The following PBX1 variants were observed in gnomAD, a reference collection of about 807,000 sequenced individuals.
The protein encoded by PBX1 is pre-B-cell leukemia transcription factor 1.
PBX1 carries 6 observed loss-of-function variants against 53.4 expected under a neutral mutation model. That is an observed-to-expected ratio of 0.11 (90% CI 0.06 to 0.22). PBX1 has a LOEUF of 0.22. Ranked by LOEUF, PBX1 falls within the 10% of genes least tolerant of loss-of-function variation. PBX1 has a pLI of 1.00. For synonymous variants in PBX1, 204 were observed against 212.3 expected (o/e 0.96, Z 0.34); for missense variants, 251 against 551.4 (o/e 0.46, Z 5.46).
At chr1:164,720,077 G>T (rs2102102293) in intron 2 of PBX1, among the ~76,000 whole-genome samples, 1 of 152,270 alleles carries the variant, frequency 6.6e-6, no homozygotes, top group African/African-American at 2.4e-5. Context: ...TGATTTTGAG[G>T]AACTAATTTG....
chr1:164,837,472 G>A (rs956865358), intron 8 of PBX1, among the ~76,000 whole-genome samples: 7 of 152,276 alleles, frequency 4.6e-5, no homozygotes, highest in Admixed American at 2.6e-4. Flanking sequence ...TCTTTAGGTA[G>A]TATGAGTACA....
intron 2 of PBX1, among the ~76,000 whole-genome samples, chr1:164,594,997 G>A (rs1216967943): frequency 2.0e-5 from 3 of 152,206 alleles, no homozygotes; most frequent in African/African-American, 4.8e-5. Flanking sequence ...TGCTTTGAAC[G>A]TGAAGACAAA....
At chr1:164,739,761 G>GCA (rs1483462584) in intron 2 of PBX1, among the ~76,000 whole-genome samples, 2 of 106,324 alleles carry the variant, frequency 1.9e-5, no homozygotes, top group African/African-American at 5.3e-5. Flanking sequence ...GCATGTGTGT[G>GCA]TGTGTGTGTG....
intron 2 of PBX1, among the ~76,000 whole-genome samples, chr1:164,578,465 C>T (rs577040161): frequency 6.6e-6 from 1 of 152,290 alleles, no homozygotes; most frequent in South Asian, 2.1e-4. Context: ...ACTGAAGAGT[C>T]TTTATTCCAT....
intron 2 of PBX1, among the ~76,000 whole-genome samples, chr1:164,868,789 T>C (rs1672280894): frequency 6.6e-6 from 1 of 152,176 alleles, no homozygotes; most frequent in South Asian, 2.1e-4. Context: ...TGGTGGGATA[T>C]GGTTCAGATT....
chr1:164,824,847 C>T (rs1270838086), intron 8 of PBX1, among the ~76,000 whole-genome samples: 1 of 152,170 alleles, frequency 6.6e-6, no homozygotes, highest in Non-Finnish European at 1.5e-5. Context: ...CTTTCCTATC[C>T]ATTCTCACTG....
chr1:164,634,988 G>T (rs1402620236), intron 2 of PBX1, among the ~76,000 whole-genome samples: 1 of 150,688 alleles, frequency 6.6e-6, no homozygotes, highest in East Asian at 2.0e-4. Context: ...TTGTGGGCAG[G>T]AGTTAACTCT....
chr1:164,688,539 A>G (rs192957976), intron 2 of PBX1, among the ~76,000 whole-genome samples: 2 of 152,266 alleles, frequency 1.3e-5, no homozygotes, highest in African/African-American at 2.4e-5. Context: ...TGCAAGATGG[A>G]AAGTCTGCCA....
intron 3 of PBX1, among the ~76,000 whole-genome samples, chr1:164,795,817 T>C (rs1290263758): frequency 2.0e-5 from 3 of 152,180 alleles, no homozygotes; most frequent in South Asian, 4.1e-4. Flanking sequence ...ATTTTAGTAG[T>C]ACCTACCTGG....
At chr1:164,693,563 ACCATTTT>A (rs1453367051) in intron 2 of PBX1, among the ~76,000 whole-genome samples, 1 of 151,946 alleles carries the variant, frequency 6.6e-6, no homozygotes, top group Non-Finnish European at 1.5e-5. Context: ...GACACTCCCC[ACCATTTT>A]CCATCGGCAG....
chr1:164,659,445 T>G (rs1166621589), intron 2 of PBX1, among the ~76,000 whole-genome samples: 1 of 152,238 alleles, frequency 6.6e-6, no homozygotes, highest in Non-Finnish European at 1.5e-5. Context: ...TATGTTTCCC[T>G]TGTGTTCTTA....
chr1:164,784,950 C>T (rs1668104115), intron 2 of PBX1, among the ~76,000 whole-genome samples: 1 of 152,184 alleles, frequency 6.6e-6, no homozygotes, highest in Admixed American at 6.5e-5. Flanking sequence ...TACAAATCCC[C>T]CACTTTAAGA....
intron 2 of PBX1, among the ~76,000 whole-genome samples, chr1:164,774,263 T>G (rs918697353): frequency 1.3e-5 from 2 of 152,196 alleles, no homozygotes; most frequent in Admixed American, 6.5e-5. Context: ...AGTGCCTTTT[T>G]TCATGGAATT....
intron 2 of PBX1, among the ~76,000 whole-genome samples, chr1:164,587,617 G>C (rs754069346): frequency 2.0e-5 from 3 of 152,036 alleles, no homozygotes; most frequent in Non-Finnish European, 4.4e-5. Flanking sequence ...TCATAGGAAT[G>C]CAAAATGAGA....
intron 3 of PBX1, 25 bp downstream of exon 3, chr1:164,792,763 G>T (rs1668583447): frequency 1.9e-6 from 3 of 1,540,284 alleles, no homozygotes; most frequent in Non-Finnish European, 2.7e-6. Context: ...CTGGGGCTCG[G>T]CACCCAGGCC....
At chr1:164,867,611 C>T (rs1672248249) in intron 2 of PBX1, among the ~76,000 whole-genome samples, 1 of 152,182 alleles carries the variant, frequency 6.6e-6, no homozygotes, top group African/African-American at 2.4e-5. Flanking sequence ...ACACCTTTCC[C>T]ATTAGCTTGG....
intron 2 of PBX1, among the ~76,000 whole-genome samples, chr1:164,564,415 G>A (rs1005333931): frequency 6.6e-6 from 1 of 152,050 alleles, no homozygotes; most frequent in Non-Finnish European, 1.5e-5. Context: ...ATGGGCGGGG[G>A]GAGAGGGCAC....
chr1:164,788,752 T>TCCCCCCCCCCCC (rs11429159), intron 2 of PBX1, among the ~76,000 whole-genome samples: 4 of 68,954 alleles, frequency 5.8e-5, no homozygotes, highest in Non-Finnish European at 8.4e-5. Context: ...CCCGCCGCCC[T>TCCCCCCCCCCCC]CCCCCCCCCG....
At position 164,707,418 on chromosome 1, in the gene PBX1, T is replaced by TGTGTGAGA. The variant is rs58617739; in HGVS notation, c.266-85075_266-85074insTGTGAGAG. On this transcript the variant is annotated intron_variant, in intron 2 of 8. Transcript: ENST00000420696. ...AGGTGTGTGTGTGTGTGTGTGTGTG[T>TGTGTGAGA]GAGAGAGAGAGAGAGAGAGAGAGAG... 1.9e-3 allele frequency among the ~76,000 whole-genome samples: 227 copies of TGTGTGAGA among 118,246 alleles called. 1 individual carries two copies. Among genetic ancestry groups the TGTGTGAGA allele is most frequent in the Non-Finnish European group, 2.5e-3 (142 of 57,012 alleles). The allele number at this position is 118,246 out of a possible 152,430, so 77.6% of individuals were successfully genotyped here.
Sources: allele counts gnomAD v4.1 joint callset (sites outside exome capture counted in the v4.1 genomes callset), GRCh38; gene constraint gnomAD v4.1.1; transcripts MANE v1.5; gene names NCBI Gene and HGNC (gene_info 2026-07-23, HGNC 2026-07-21).